Variants in CACNA2D2 observed in about 807,000 individuals in gnomAD.
CACNA2D2 encodes the protein voltage-dependent calcium channel subunit alpha-2/delta-2.
In CACNA2D2, 48 loss-of-function variants were observed where a neutral mutation model predicts 166.4. That is an observed-to-expected ratio of 0.29 (90% CI 0.23 to 0.37). The LOEUF (loss-of-function observed/expected upper bound fraction) is 0.37. CACNA2D2 is among the 10% of genes least tolerant of loss of function. The pLI is 1.00. For missense variants in CACNA2D2, 1,122 were observed against 1,433.0 expected (o/e 0.78, Z 3.50); for synonymous variants, 561 against 573.7 (o/e 0.98, Z 0.32).
intron 1 of CACNA2D2, among the ~76,000 whole-genome samples, chr3:50,488,922 G>A (rs59164803): frequency 0.03 from 4,636 of 152,004 alleles, 237 homozygotes; most frequent in African/African-American, 0.11. Context: ...GGATGGTCTC[G>A]ATCTCCTGAC....
intron 2 of CACNA2D2, among the ~76,000 whole-genome samples, chr3:50,460,858 A>T (rs1164150926): frequency 1.3e-5 from 2 of 152,168 alleles, no homozygotes; most frequent in African/African-American, 2.4e-5. Context: ...CGTCTCAAAA[A>T]AAAAGAAAAA....
chr3:50,461,979 T>G (rs558815829), intron 2 of CACNA2D2, among the ~76,000 whole-genome samples: 1 of 152,268 alleles, frequency 6.6e-6, no homozygotes, highest in Non-Finnish European at 1.5e-5. Context: ...CAGGACTTTC[T>G]TGGAAGGTAA....
intron 4 of CACNA2D2, among the ~76,000 whole-genome samples, chr3:50,388,228 GTCATAA>G (rs1260878677): frequency 1.3e-5 from 2 of 152,214 alleles, no homozygotes; most frequent in African/African-American, 4.8e-5. Context: ...CCATCTGTGC[GTCATAA>G]TCACCGGCCG....
intron 3 of CACNA2D2, among the ~76,000 whole-genome samples, chr3:50,428,875 C>T (rs1707926495): frequency 6.6e-6 from 1 of 152,210 alleles, no homozygotes; most frequent in Non-Finnish European, 1.5e-5. Flanking sequence ...AATGGTAGCA[C>T]AGAGGAGGGC....
chr3:50,479,841 C>T (rs1365909549), intron 1 of CACNA2D2, among the ~76,000 whole-genome samples: 1 of 152,254 alleles, frequency 6.6e-6, no homozygotes, highest in Admixed American at 6.5e-5. Flanking sequence ...ACAGGCCACA[C>T]ACCCAACACG....
intron 1 of CACNA2D2, among the ~76,000 whole-genome samples, chr3:50,486,108 T>C (rs1304170107): frequency 6.6e-6 from 1 of 152,200 alleles, no homozygotes; most frequent in African/African-American, 2.4e-5. Flanking sequence ...AGGCTCAGCA[T>C]GATCAGCCCT....
In CACNA2D2 at chr3:50,468,380, AGTGTGTGTGTGTGT is replaced by A. The variant is rs3220659; in HGVS notation, c.288+7724_288+7737del. The stretch of plus-strand genomic sequence containing the variant: ...AGAGAACCAGCAAGTTCATCAGAAT[AGTGTGTGTGTGTGT>A]GTGTGTGTGTGTGTGTGTGTGTGTG... On this transcript the variant is annotated intron_variant, in intron 2 of 37. Transcript: ENST00000424201. Among the ~76,000 whole-genome samples, 722 of 83,162 alleles carry A rather than the reference AGTGTGTGTGTGTGT, an allele frequency of 8.7e-3. 4 individuals carry two copies. Among genetic ancestry groups the A allele is most frequent in the African/African-American group, 0.015 (339 of 22,324 alleles). 54.6% of individuals were successfully genotyped at this position (83,162 alleles called of 152,430 possible). A position where few individuals can be genotyped will look rare whatever the true frequency, so the allele number is the denominator to read the frequency against.
chr3:50,500,251 G>GC (rs71274824), intron 1 of CACNA2D2, among the ~76,000 whole-genome samples: 37,062 of 152,080 alleles, frequency 0.24, 5,745 homozygotes, highest in East Asian at 0.41. Context: ...CACTGCTTCT[G>GC]CCCACCCTCA....
chr3:50,477,749 G>GC (rs1167769615), intron 1 of CACNA2D2, among the ~76,000 whole-genome samples: 1 of 152,198 alleles, frequency 6.6e-6, no homozygotes, highest in Non-Finnish European at 1.5e-5. Context: ...GGTGATGCCA[G>GC]CCCCCCAGCC....
chr3:50,400,762 G>A (rs954859460), intron 3 of CACNA2D2, among the ~76,000 whole-genome samples: 2 of 152,190 alleles, frequency 1.3e-5, no homozygotes, highest in Non-Finnish European at 2.9e-5. Context: ...CCCTTCCTTC[G>A]CCCCTTGGCG....
At chr3:50,492,969 C>G (rs1408212286) in intron 1 of CACNA2D2, among the ~76,000 whole-genome samples, 1 of 152,204 alleles carries the variant, frequency 6.6e-6, no homozygotes, top group Non-Finnish European at 1.5e-5. Context: ...TTTTTCTCAT[C>G]TATGAAAGTA....
rs1704047123 is a variant in CACNA2D2, at chr3:50,363,586, A to G, written c.*1080T>C. On this transcript the variant is annotated 3_prime_UTR_variant, in exon 38 of 38. Coordinates refer to ENST00000424201, the MANE Select transcript of CACNA2D2 (RefSeq NM_006030.4). Reference sequence around the variant, plus strand: ...GGAGTGGGCACAGGCCTGAGTGTGTAAGGGCCAGATTGGCGGAAGGATGGC... The same window carrying G: ...GGAGTGGGCACAGGCCTGAGTGTGTGAGGGCCAGATTGGCGGAAGGATGGC... 1 of 280,892 alleles carries G rather than the reference A, an allele frequency of 3.6e-6. No homozygotes were observed. Among genetic ancestry groups the G allele is most frequent in the Non-Finnish European group, 6.5e-6 (1 of 153,242 alleles). The allele number at this position is 280,892 out of a possible 1,614,324, so 17.4% of individuals were successfully genotyped here. A position where few individuals can be genotyped will look rare whatever the true frequency, so the allele number is the denominator to read the frequency against.
chr3:50,474,444 T>C (rs1710225382), intron 2 of CACNA2D2, among the ~76,000 whole-genome samples: 1 of 152,192 alleles, frequency 6.6e-6, no homozygotes, highest in Non-Finnish European at 1.5e-5. Flanking sequence ...GGGCACATGA[T>C]GGTACGCTGA....
chr3:50,379,288 G>T lies in CACNA2D2; in HGVS notation c.1153-89C>A. On this transcript the variant is annotated intron_variant, in intron 11 of 37. Transcript: ENST00000424201. This position sits in a 1 kb window ranked among gnomAD's most constrained non-coding sequence, Gnocchi z 6.5. ...CTCCCGCAGTGGGCCTGGACCTCTG[G>T]CCCTCCTCCCCCACAGCAGATGGAG... The T allele has an allele frequency of 6.9e-7, 1 of 1,450,712 alleles. No individual in the cohort carries two copies. Among genetic ancestry groups the T allele is most frequent in the Non-Finnish European group, 9.6e-7 (1 of 1,039,786 alleles). 89.9% of individuals were successfully genotyped at this position (1,450,712 alleles called of 1,614,324 possible). A position where few individuals can be genotyped will look rare whatever the true frequency, so the allele number is the denominator to read the frequency against.
intron 1 of CACNA2D2, among the ~76,000 whole-genome samples, chr3:50,481,921 G>A (rs554195778): frequency 2.6e-5 from 4 of 152,322 alleles, no homozygotes; most frequent in East Asian, 3.9e-4. Context: ...GCTGAGCCTG[G>A]GAGGTCAAGG....
intron 3 of CACNA2D2, among the ~76,000 whole-genome samples, chr3:50,398,003 C>T (rs1706246332): frequency 6.6e-6 from 1 of 152,122 alleles, no homozygotes; most frequent in Non-Finnish European, 1.5e-5. Flanking sequence ...CCCTGCCCCA[C>T]CCCTGGAGGT....
At chr3:50,456,454 A>G (rs1444161877) in intron 2 of CACNA2D2, among the ~76,000 whole-genome samples, 1 of 152,144 alleles carries the variant, frequency 6.6e-6, no homozygotes, top group South Asian at 2.1e-4. Flanking sequence ...ATTTTCACTC[A>G]CTGGCCTGGG....
intron 1 of CACNA2D2, among the ~76,000 whole-genome samples, chr3:50,492,321 C>T (rs1252618375): frequency 6.6e-6 from 1 of 152,262 alleles, no homozygotes; most frequent in Non-Finnish European, 1.5e-5. Flanking sequence ...CCGCAACTTG[C>T]TGTTGTCCTA....
intron 2 of CACNA2D2, among the ~76,000 whole-genome samples, chr3:50,472,297 C>A (rs1419051493): frequency 6.6e-6 from 1 of 152,244 alleles, no homozygotes; most frequent in African/African-American, 2.4e-5. Context: ...ACATGGGTCA[C>A]GCCGTATGCC....
Sources: gnomAD v4.1 joint callset for allele counts (sites outside exome capture counted in the v4.1 genomes callset) on GRCh38, gnomAD v4.1.1 for gene constraint, Gnocchi (gnomAD v3.1) non-coding constraint, MANE v1.5 for transcripts, NCBI Gene and HGNC (gene_info 2026-07-23, HGNC 2026-07-21) for gene names.